CFTR: variants seen among roughly 807,000 people sequenced by gnomAD.
CFTR encodes CF transmembrane conductance regulator.
Under a neutral mutation model 171.6 loss-of-function variants are expected in CFTR, and 181 were observed. The observed-to-expected ratio is 1.05, with a 90% CI of 0.93 to 1.19. The LOEUF is 1.19. Among genes scored for constraint, CFTR ranks in the 50% most tolerant of loss-of-function variants. The pLI, the probability that CFTR is intolerant of heterozygous loss-of-function variation, is 0.00. For missense variants in CFTR, 1,968 were observed against 1,734.7 expected, an observed-to-expected ratio of 1.13 and a Z score of -2.39; for synonymous variants, 583 against 608.0, an observed-to-expected ratio of 0.96 and a Z score of 0.60.
intron 7 of CFTR, among the ~76,000 whole-genome samples, chr7:117,539,526 G>C (rs1799012942): frequency 6.6e-6 from 1 of 151,672 alleles, no homozygotes; most frequent in African/African-American, 2.4e-5. Context: ...AAGCATCTCA[G>C]GTGATTTTTA....
intron 11 of CFTR, among the ~76,000 whole-genome samples, chr7:117,574,221 C>T (rs1325075713): frequency 6.6e-6 from 1 of 151,772 alleles, no homozygotes; most frequent in Non-Finnish European, 1.5e-5. Context: ...ATAGAGAAAG[C>T]CAAACACTAA....
chr7:117,646,595 T>C (rs1792999441), intron 23 of CFTR, among the ~76,000 whole-genome samples: 1 of 151,994 alleles, frequency 6.6e-6, no homozygotes, highest in Non-Finnish European at 1.5e-5. Context: ...GAGGAATGGG[T>C]TGGGCCTTTT....
At chr7:117,644,022 A>C (rs544353549) in intron 23 of CFTR, among the ~76,000 whole-genome samples, 38 of 151,786 alleles carry the variant, frequency 2.5e-4, no homozygotes, top group Non-Finnish European at 4.3e-4. Context: ...AAAATTCTTT[A>C]TCTTTTCTTT....
At chr7:117,565,635 G>T (rs1005317098) in intron 11 of CFTR, among the ~76,000 whole-genome samples, 2 of 152,080 alleles carry the variant, frequency 1.3e-5, no homozygotes, top group African/African-American at 4.8e-5. Context: ...ACCACGTAAT[G>T]GTCTTCATTA....
chr7:117,643,349 T>C (rs1194700535), intron 23 of CFTR, among the ~76,000 whole-genome samples: 5 of 152,180 alleles, frequency 3.3e-5, no homozygotes, highest in Admixed American at 3.3e-4. Flanking sequence ...TAATGGACAC[T>C]GAATCCATTC....
intron 11 of CFTR, 50 bp downstream of exon 11, chr7:117,559,705 C>T (rs1371750382): frequency 8.0e-7 from 1 of 1,251,778 alleles, no homozygotes; most frequent in East Asian, 2.3e-5. Flanking sequence ...ACCCTTCACA[C>T]TACCCAAATT....
At chr7:117,594,807 T>G in intron 14 of CFTR, 123 bp from the exon 15 acceptor site, 1 of 864,618 alleles carries the variant, frequency 1.2e-6, no homozygotes, top group South Asian at 1.5e-5. Flanking sequence ...TGATTTATAT[T>G]TGTTAAAATA....
chr7:117,585,914 G>A (rs1414229319), intron 11 of CFTR, among the ~76,000 whole-genome samples: 2 of 152,156 alleles, frequency 1.3e-5, no homozygotes, highest in African/African-American at 4.8e-5. Context: ...CTGAAGTGCT[G>A]AGATTATAAG....
At chr7:117,483,701 G>C (rs965278049) in intron 1 of CFTR, among the ~76,000 whole-genome samples, 2 of 151,848 alleles carry the variant, frequency 1.3e-5, no homozygotes, top group Non-Finnish European at 2.9e-5. Context: ...TGGGTCTTCA[G>C]GTGTACAGGT....
At chr7:117,659,449 T>C (rs1000716507) in intron 24 of CFTR, among the ~76,000 whole-genome samples, 1 of 152,206 alleles carries the variant, frequency 6.6e-6, no homozygotes, top group Non-Finnish European at 1.5e-5. Flanking sequence ...GTTGAATGAA[T>C]AAGGAGTTCT....
At chr7:117,504,845 C>T (rs145653635) in intron 2 of CFTR, among the ~76,000 whole-genome samples, 4 of 150,768 alleles carry the variant, frequency 2.7e-5, no homozygotes, top group South Asian at 4.2e-4. Context: ...GAAAAATAAT[C>T]AGTTTCCTAA....
At chr7:117,501,772 G>GAAACAAAAAAAAAAAAAAAAAAAAAACC in intron 1 of CFTR, among the ~76,000 whole-genome samples, 1 of 73,586 alleles carries the variant, frequency 1.4e-5, no homozygotes, top group Non-Finnish European at 2.9e-5. Context: ...AAAAAAAAAA[G>GAAACAAAAAAAAAAAAAAAAAAAAAACC]AAACAAAAAA....
intron 18 of CFTR, 132 bp from the exon 19 acceptor site, chr7:117,610,386 TA>T (rs570660341): frequency 7.9e-5 from 55 of 699,580 alleles, no homozygotes; most frequent in East Asian, 1.2e-4. Context: ...TAAAGTATAA[TA>T]AAAAAAATAA....
chr7:117,614,567 G>A lies in CFTR; in HGVS notation c.3368-46G>A, dbSNP rs775537549. ...AGTGTGAATAAAGTCGTTCACAGAA[G>A]AGAGAAATAACATGAGGTTCATTTA... On this transcript the variant is annotated intron_variant, in intron 20 of 26. Coordinates refer to ENST00000003084, the MANE Select transcript of CFTR (RefSeq NM_000492.4). 12 of 1,234,772 alleles carry A rather than the reference G, an allele frequency of 9.7e-6. No individual in the cohort carries two copies. In the East Asian group the frequency reaches 2.3e-4, roughly 24 times the overall value. The allele number at this position is 1,234,772 out of a possible 1,614,324, so 76.5% of individuals were successfully genotyped here.
intron 8 of CFTR, among the ~76,000 whole-genome samples, chr7:117,541,361 C>A (rs1292823211): frequency 2.6e-5 from 4 of 151,880 alleles, no homozygotes; most frequent in Non-Finnish European, 5.9e-5. Flanking sequence ...ATGAGAGAAA[C>A]CAAAAGAGAG....
intron 10 of CFTR, among the ~76,000 whole-genome samples, chr7:117,551,434 G>A (rs1032876235): frequency 5.3e-5 from 8 of 152,030 alleles, no homozygotes; most frequent in African/African-American, 1.7e-4. Context: ...CTGAAATTTT[G>A]GGTATATTTT....
At chr7:117,498,838 G>T (rs1484331383) in intron 1 of CFTR, among the ~76,000 whole-genome samples, 3 of 149,686 alleles carry the variant, frequency 2.0e-5, no homozygotes, top group Non-Finnish European at 4.4e-5. Flanking sequence ...TTTTGGTTAG[G>T]ACTATCCAGA....
At chr7:117,536,699 TTG>T in intron 7 of CFTR, 26 bp downstream of exon 7, 1 of 1,585,218 alleles carries the variant, frequency 6.3e-7, no homozygotes. Context: ...AATTTCAATA[TTG>T]TTAGTAATTC....
chr7:117,504,694 C>T (rs1397905827), intron 2 of CFTR, among the ~76,000 whole-genome samples: 1 of 148,906 alleles, frequency 6.7e-6, no homozygotes, highest in Non-Finnish European at 1.5e-5. Context: ...TTTGAGGTTG[C>T]AGTGAGCTAT....
Sources: gnomAD v4.1 joint callset for allele counts (sites outside exome capture counted in the v4.1 genomes callset) on GRCh38, gnomAD v4.1.1 for gene constraint, MANE v1.5 for transcripts, NCBI Gene and HGNC (gene_info 2026-07-23, HGNC 2026-07-21) for gene names.